The following DCAF8L2 variants were observed in gnomAD, a reference collection of about 807,000 sequenced individuals.
DCAF8L2 encodes DDB1- and CUL4-associated factor 8-like protein 2.
For synonymous variants in DCAF8L2, 200 were observed against 190.9 expected, an observed-to-expected ratio of 1.05 and a Z score of -0.39; for missense variants, 430 against 490.7, an observed-to-expected ratio of 0.88 and a Z score of 1.17.
intron 1 of DCAF8L2, among the ~76,000 whole-genome samples, chrX:27,591,659 T>G (rs1373267010): frequency 8.9e-6 from 1 of 111,969 alleles, no homozygotes. Flanking sequence ...TATCTATATC[T>G]GGAAAGCAGA....
At chrX:27,614,066 T>C (rs1052660079) in intron 1 of DCAF8L2, among the ~76,000 whole-genome samples, 4 of 111,522 alleles carry the variant, frequency 3.6e-5, no homozygotes, top group African/African-American at 1.3e-4. Context: ...AATTCGGCTG[T>C]GAATCCATCT....
chrX:27,471,871 T>TA, the DCAF8L2 span, among the ~76,000 whole-genome samples: 1 of 111,487 alleles, frequency 9.0e-6, no homozygotes, highest in African/African-American at 3.3e-5. Flanking sequence ...AAAGAATGTG[T>TA]AAAAATCACC....
chrX:27,563,754 T>A, the DCAF8L2 span, among the ~76,000 whole-genome samples: 1 of 112,450 alleles, frequency 8.9e-6, no homozygotes, highest in Non-Finnish European at 1.9e-5. Context: ...ACAAAGTAGT[T>A]TTCAAATATG....
At chrX:27,688,352 C>T (rs1177675000) in intron 3 of DCAF8L2, among the ~76,000 whole-genome samples, 1 of 111,819 alleles carries the variant, frequency 8.9e-6, no homozygotes, top group Non-Finnish European at 1.9e-5. Flanking sequence ...TTCACCTAAG[C>T]AAGTCAAGGG....
At chrX:27,638,444 T>G (rs1366055265) in intron 2 of DCAF8L2, among the ~76,000 whole-genome samples, 3 of 111,738 alleles carry the variant, frequency 2.7e-5, no homozygotes, top group African/African-American at 9.8e-5. Context: ...AACCGACACT[T>G]CCCAATTATT....
chrX:27,619,801 G>C (rs1459282066), intron 1 of DCAF8L2, among the ~76,000 whole-genome samples: 1 of 110,170 alleles, frequency 9.1e-6, no homozygotes, highest in Non-Finnish European at 1.9e-5. Flanking sequence ...TAAAAGAAAG[G>C]ATAACTTCTA....
chrX:27,569,169 C>T, the DCAF8L2 span, among the ~76,000 whole-genome samples: 1,107 of 111,473 alleles, frequency 9.9e-3, 12 homozygotes, highest in African/African-American at 0.034. Context: ...TTCTATAATA[C>T]ATACTACCAA....
At chrX:27,700,617 C>T (rs1931095787) in intron 3 of DCAF8L2, among the ~76,000 whole-genome samples, 1 of 111,283 alleles carries the variant, frequency 9.0e-6, no homozygotes, top group Non-Finnish European at 1.9e-5. Context: ...GCGATCACTG[C>T]TTCTTTGGTT....
At chrX:27,658,837 G>T (rs528476640) in intron 2 of DCAF8L2, among the ~76,000 whole-genome samples, 1 of 111,593 alleles carries the variant, frequency 9.0e-6, no homozygotes, top group Non-Finnish European at 1.9e-5. Context: ...CTGTAAAAAT[G>T]GGGATAAAAT....
chrX:27,548,222 G>C, the DCAF8L2 span, among the ~76,000 whole-genome samples: 2 of 110,840 alleles, frequency 1.8e-5, no homozygotes, highest in South Asian at 7.7e-4. Flanking sequence ...TCATTCCAAA[G>C]AGAAGCAATA....
At chrX:27,482,675 CA>C in the DCAF8L2 span, among the ~76,000 whole-genome samples, 5 of 111,672 alleles carry the variant, frequency 4.5e-5, no homozygotes, top group Admixed American at 1.9e-4. Flanking sequence ...TATTTTAGAA[CA>C]ATCTTATTTT....
chrX:27,602,436 C>G (rs922082900), intron 1 of DCAF8L2, among the ~76,000 whole-genome samples: 1 of 111,953 alleles, frequency 8.9e-6, no homozygotes, highest in Non-Finnish European at 1.9e-5. Context: ...AAAGAAACAG[C>G]TTTGAAAATA....
chrX:27,697,899 C>A (rs10465373), intron 3 of DCAF8L2, among the ~76,000 whole-genome samples: 11,297 of 110,362 alleles, frequency 0.1, 619 homozygotes, highest in East Asian at 0.35. Flanking sequence ...CAATGATATT[C>A]GCATAAATAT....
At chrX:27,716,317 A>G (rs2147290733) in intron 4 of DCAF8L2, 146 bp downstream of exon 4, 1 of 112,322 alleles carries the variant, frequency 8.9e-6, no homozygotes, top group African/African-American at 3.2e-5. Flanking sequence ...AATCTAACTA[A>G]AATGTAAAAC....
intron 2 of DCAF8L2, among the ~76,000 whole-genome samples, chrX:27,652,760 T>C (rs776512869): frequency 8.9e-6 from 1 of 112,090 alleles, no homozygotes; most frequent in Non-Finnish European, 1.9e-5. Context: ...AATGTGTTTG[T>C]GATCATTGCC....
intron 4 of DCAF8L2, among the ~76,000 whole-genome samples, chrX:27,727,544 A>G (rs1932110028): frequency 9.0e-6 from 1 of 111,612 alleles, no homozygotes; most frequent in Non-Finnish European, 1.9e-5. Context: ...ACAGCACACT[A>G]TCTTAATCAT....
intron 2 of DCAF8L2, among the ~76,000 whole-genome samples, chrX:27,646,640 A>C (rs1928948551): frequency 9.0e-6 from 1 of 111,558 alleles, no homozygotes; most frequent in Non-Finnish European, 1.9e-5. Context: ...GATAGGAGAA[A>C]ATTTTTGCAA....
At chrX:27,551,484 G>A in the DCAF8L2 span, among the ~76,000 whole-genome samples, 1 of 110,707 alleles carries the variant, frequency 9.0e-6, no homozygotes, top group Non-Finnish European at 1.9e-5. Flanking sequence ...ACTTTTATAT[G>A]CACTGAGATA....
chrX:27,732,938 A>G (rs905269901), intron 4 of DCAF8L2, among the ~76,000 whole-genome samples: 2 of 110,167 alleles, frequency 1.8e-5, no homozygotes, highest in East Asian at 5.7e-4. Context: ...GCTCACTGCA[A>G]CCTCCACCTC....
Sources: allele counts gnomAD v4.1 joint callset (sites outside exome capture counted in the v4.1 genomes callset), GRCh38; gene constraint gnomAD v4.1.1; transcripts MANE v1.5; gene names NCBI Gene and HGNC (gene_info 2026-07-23, HGNC 2026-07-21).